The following ARHGAP22 variants were observed in gnomAD, a reference collection of about 807,000 sequenced individuals.
ARHGAP22 encodes rho GTPase-activating protein 22.
In ARHGAP22, 48 loss-of-function variants were observed where a neutral mutation model predicts 59.1. The ratio of observed to expected loss-of-function variants is 0.81; its 90% CI spans 0.64 to 1.03. ARHGAP22 has a LOEUF of 1.03. Among genes scored for constraint, ARHGAP22 ranks in the 50% least tolerant of loss-of-function variants. The pLI, the probability that ARHGAP22 is intolerant of heterozygous loss-of-function variation, is 0.00. For synonymous variants in ARHGAP22, 445 were observed against 416.4 expected (o/e 1.07, Z -0.84); for missense variants, 1,015 against 958.7 (o/e 1.06, Z -0.78).
upstream of ARHGAP22, among the ~76,000 whole-genome samples, chr10:48,606,164 A>G (rs374652612): frequency 5.3e-5 from 8 of 152,272 alleles, no homozygotes; most frequent in African/African-American, 1.9e-4. Flanking sequence ...TCAGATGGCC[A>G]TAGCCTCCAT....
chr10:48,622,823 T>A (rs2061328714), intron 1 of ARHGAP22, among the ~76,000 whole-genome samples: 1 of 152,198 alleles, frequency 6.6e-6, no homozygotes, highest in Admixed American at 6.5e-5. Context: ...AATATAGGCA[T>A]ATGGCTGCCT....
chr10:48,512,249 G>T (rs1029616381), intron 3 of ARHGAP22, among the ~76,000 whole-genome samples: 3 of 152,308 alleles, frequency 2.0e-5, no homozygotes, highest in Admixed American at 1.3e-4. Context: ...AGTGCACACC[G>T]GCTTCTCAGT....
At chr10:48,479,949 C>A (rs1414283557) in intron 3 of ARHGAP22, among the ~76,000 whole-genome samples, 185 bp from the exon 4 acceptor site, 4 of 152,226 alleles carry the variant, frequency 2.6e-5, no homozygotes, top group Non-Finnish European at 5.9e-5. Flanking sequence ...GGAGTCTTTT[C>A]CCATTTTCTC....
At chr10:48,434,099 C>T in the ARHGAP22 span, among the ~76,000 whole-genome samples, 2 of 152,176 alleles carry the variant, frequency 1.3e-5, no homozygotes, top group African/African-American at 4.8e-5. Context: ...CTGTCTCGAG[C>T]TCAGGTATTC....
At chr10:48,630,502 A>G (rs1589243314) in intron 1 of ARHGAP22, among the ~76,000 whole-genome samples, 1 of 152,232 alleles carries the variant, frequency 6.6e-6, no homozygotes, top group Admixed American at 6.5e-5. Context: ...ACTTTTCTGC[A>G]TAAAGATTAT....
chr10:48,431,174 T>G, the ARHGAP22 span: 33 of 1,545,050 alleles, frequency 2.1e-5, no homozygotes, highest in East Asian at 6.7e-4. Context: ...AAGTTCATTT[T>G]TGTTTACTTC....
At chr10:48,616,698 C>T (rs1029517381) in intron 1 of ARHGAP22, among the ~76,000 whole-genome samples, 12 of 152,042 alleles carry the variant, frequency 7.9e-5, no homozygotes, top group African/African-American at 2.9e-4. Flanking sequence ...AATGCTGAAA[C>T]AAAAACCTGT....
chr10:48,538,325 C>T (rs1029761718), intron 3 of ARHGAP22, among the ~76,000 whole-genome samples: 3 of 152,152 alleles, frequency 2.0e-5, no homozygotes, highest in Non-Finnish European at 2.9e-5. Context: ...GATTTGGGGC[C>T]GCTCTAATTC....
downstream of ARHGAP22, chr10:48,444,356 T>C (rs1416642726): frequency 6.6e-6 from 1 of 152,192 alleles, no homozygotes; most frequent in East Asian, 1.9e-4. Context: ...TGTCACTCAG[T>C]GTGCCTGACA....
At chr10:48,588,642 G>T (rs950929532) in intron 1 of ARHGAP22, among the ~76,000 whole-genome samples, 15 of 152,154 alleles carry the variant, frequency 9.9e-5, no homozygotes, top group Non-Finnish European at 2.2e-4. Context: ...CCTTCCCAAA[G>T]GTGGCTCTTC....
chr10:48,554,764 G>A (rs529445767), intron 3 of ARHGAP22, among the ~76,000 whole-genome samples: 35 of 152,306 alleles, frequency 2.3e-4, no homozygotes, highest in African/African-American at 7.7e-4. Context: ...TGGGAACTGA[G>A]CTAGGATGCC....
intron 3 of ARHGAP22, among the ~76,000 whole-genome samples, chr10:48,539,538 G>C (rs529205943): frequency 6.6e-6 from 1 of 151,746 alleles, no homozygotes; most frequent in African/African-American, 2.4e-5. Flanking sequence ...TGATCCGCCC[G>C]CCTCGGCCTC....
chr10:48,534,874 G>C (rs1445711470), intron 3 of ARHGAP22, among the ~76,000 whole-genome samples: 1 of 152,152 alleles, frequency 6.6e-6, no homozygotes, highest in African/African-American at 2.4e-5. Flanking sequence ...CACCTTAATG[G>C]TCTGCAGTTA....
chr10:48,511,110 A>AT (rs1464873583), intron 3 of ARHGAP22, among the ~76,000 whole-genome samples: 1 of 152,214 alleles, frequency 6.6e-6, no homozygotes, highest in Non-Finnish European at 1.5e-5. Context: ...GACTCCATGC[A>AT]CGGCACGGCA....
At chr10:48,450,172 G>A in intron 9 of ARHGAP22, 89 bp downstream of exon 9, 2 of 1,511,662 alleles carry the variant, frequency 1.3e-6, no homozygotes, top group Non-Finnish European at 1.8e-6. Context: ...GCGGCCCAGA[G>A]GTTAGGGGCC....
chr10:48,559,703 T>C (rs1306395969), intron 2 of ARHGAP22, among the ~76,000 whole-genome samples: 1 of 152,234 alleles, frequency 6.6e-6, no homozygotes, highest in Non-Finnish European at 1.5e-5. Context: ...TAACATCCCT[T>C]ATCCACTTTT....
the ARHGAP22 span, chr10:48,438,199 T>C: frequency 6.6e-6 from 1 of 152,260 alleles, no homozygotes; most frequent in South Asian, 2.1e-4. Context: ...AGTAAACTTC[T>C]CTTACCAGTA....
Position 48,526,779 on chromosome 10 carries a change from G to C in ARHGAP22, c.322+28684C>G, listed in dbSNP as rs186687713. Among the ~76,000 whole-genome samples the C allele has an allele frequency of 3.3e-4, 50 of 152,322 alleles. 1 individual carries two copies. The highest frequency in any genetic ancestry group is 1.1e-3 in the African/African-American group (46 of 41,570). On this transcript the variant is annotated intron_variant, in intron 3 of 9. Transcript: ENST00000249601. ...AATGAGCCTATTATAAAGGGTCAAC[G>C]TCCCCATTGAACCGTTTAAATATAT... is the stretch of plus-strand genomic sequence containing the variant.
chr10:48,529,674 C>A (rs1256298378), intron 3 of ARHGAP22, among the ~76,000 whole-genome samples: 1 of 152,188 alleles, frequency 6.6e-6, no homozygotes, highest in Non-Finnish European at 1.5e-5. Context: ...AAGCTGTCCC[C>A]ACCAAGCCAT....
Sources: allele counts gnomAD v4.1 joint callset (sites outside exome capture counted in the v4.1 genomes callset), GRCh38; gene constraint gnomAD v4.1.1; transcripts MANE v1.5; gene names NCBI Gene and HGNC (gene_info 2026-07-23, HGNC 2026-07-21).